SSH2: variants seen among roughly 807,000 people sequenced by gnomAD.
The protein encoded by SSH2 is protein phosphatase Slingshot homolog 2.
A neutral mutation model predicts 135.2 loss-of-function variants in SSH2; 37 were observed. The ratio of observed to expected loss-of-function variants is 0.27; its 90% confidence interval spans 0.21 to 0.36. SSH2 has a LOEUF of 0.36. Ranked by LOEUF, SSH2 falls within the 10% of genes least tolerant of loss-of-function variation. The pLI, the probability that SSH2 is intolerant of heterozygous loss-of-function variation, is 1.00. For synonymous variants in SSH2, 628 were observed against 646.2 expected, an observed-to-expected ratio of 0.97 and a Z score of 0.43; for missense variants, 1,408 against 1,765.3, an observed-to-expected ratio of 0.80 and a Z score of 3.63.
At chr17:29,716,723 A>C in intron 3 of SSH2, 1 of 560,988 alleles carries the variant, frequency 1.8e-6, no homozygotes, top group Non-Finnish European at 3.4e-6. Context: ...TTCCGGCTGA[A>C]AGTCTAAGTT....
intron 1 of SSH2, among the ~76,000 whole-genome samples, chr17:29,908,339 G>A (rs1201139553): frequency 6.6e-6 from 1 of 151,902 alleles, no homozygotes; most frequent in Non-Finnish European, 1.5e-5. Context: ...ACCTGTCTTA[G>A]TCCTGCTACT....
chr17:29,742,706 C>A (rs1227961853), intron 3 of SSH2, among the ~76,000 whole-genome samples: 5 of 151,954 alleles, frequency 3.3e-5, no homozygotes, highest in African/African-American at 1.2e-4. Context: ...ATGATCTCAG[C>A]TCACTGCAAC....
At chr17:29,846,898 T>G (rs1245662809) in intron 2 of SSH2, among the ~76,000 whole-genome samples, 5 of 152,208 alleles carry the variant, frequency 3.3e-5, no homozygotes, top group South Asian at 2.1e-4. Context: ...TAGAACCTAG[T>G]TTTGGTGACA....
rs780914921 is a variant in SSH2 at position 29,667,117 on chromosome 17, C to G, written c.903+13G>C. On this transcript the variant is annotated intron_variant, in intron 10 of 15. Coordinates refer to ENST00000540801, the MANE Select transcript of SSH2 (RefSeq NM_001282129.2). Reference sequence around the variant, plus strand: ...GCTAGCCTTGGAACAAACAAGGACTCAAGGTCTCTTACCTCTTTGGATGTA... The same window carrying G: ...GCTAGCCTTGGAACAAACAAGGACTGAAGGTCTCTTACCTCTTTGGATGTA... 6.2e-7 allele frequency: 1 copy of G among 1,608,490 alleles called. No homozygotes were observed. Among genetic ancestry groups the G allele is most frequent in the Non-Finnish European group, 8.5e-7 (1 of 1,175,468 alleles).
At chr17:29,708,816 A>G (rs1049695362) in intron 3 of SSH2, among the ~76,000 whole-genome samples, 4 of 151,202 alleles carry the variant, frequency 2.6e-5, no homozygotes, top group Non-Finnish European at 5.9e-5. Flanking sequence ...AGAAAATACT[A>G]TTTTCTTGAT....
chr17:29,755,175 T>C lies in SSH2; in HGVS notation c.188+38719A>G, dbSNP rs190242906. Reference sequence around the variant, plus strand: ...ATTTTTCAGAAGTTCAGCTTTTTGTTTTACTAAAATGCACGTACAGACTCT... The same window carrying C: ...ATTTTTCAGAAGTTCAGCTTTTTGTCTTACTAAAATGCACGTACAGACTCT... On this transcript the variant is annotated intron_variant, in intron 3 of 15. Coordinates refer to ENST00000540801, the MANE Select transcript of SSH2 (RefSeq NM_001282129.2). 5.9e-5 allele frequency among the ~76,000 whole-genome samples: 9 copies of C among 152,306 alleles called. No individual in the cohort carries two copies. The East Asian group carries it at 1.7e-3, about 29-fold the overall frequency.
intron 5 of SSH2, among the ~76,000 whole-genome samples, chr17:29,691,104 A>T (rs188288928): frequency 2.0e-4 from 30 of 152,290 alleles, no homozygotes; most frequent in Admixed American, 1.2e-3. Flanking sequence ...GAGAAAAAAA[A>T]ACCCCACATA....
At position 29,632,686 on chromosome 17, in the gene SSH2, G is replaced by T. The variant is rs778040457; in HGVS notation, c.2508C>A (p.Ser836=). Residue 836 remains serine, a synonymous_variant, in exon 16 of 16, where the codon TCC becomes TCA. Transcript: ENST00000540801. The part of the protein sequence containing the change: ...KPGHMEQDED[S]CTAQPELAKD... The stretch of plus-strand genomic sequence containing the variant: ...TGGCTAGTTCAGGCTGGGCTGTGCA[G>T]GAGTCCTCATCTTGCTCCATATGTC... The T allele has an allele frequency of 2.5e-5, 41 of 1,614,152 alleles. No homozygotes were observed. Among genetic ancestry groups the T allele is most frequent in the Non-Finnish European group, 3.4e-5 (40 of 1,180,040 alleles).
intron 2 of SSH2, among the ~76,000 whole-genome samples, chr17:29,829,837 ATTT>A (rs35027288): frequency 3.8e-5 from 5 of 130,418 alleles, no homozygotes; most frequent in African/African-American, 1.2e-4. Flanking sequence ...AAAGATCAAG[ATTT>A]TTTTTTTTTT....
intron 1 of SSH2, among the ~76,000 whole-genome samples, chr17:29,849,220 C>T (rs1235171817): frequency 6.6e-6 from 1 of 152,058 alleles, no homozygotes; most frequent in Non-Finnish European, 1.5e-5. Context: ...TGGCTCACGC[C>T]TGTAATCCCA....
chr17:29,908,970 G>C (rs1250293446), intron 1 of SSH2, among the ~76,000 whole-genome samples: 1 of 151,672 alleles, frequency 6.6e-6, no homozygotes, highest in Non-Finnish European at 1.5e-5. Flanking sequence ...CCAGCTACTT[G>C]GGAGGCTGAG....
intron 2 of SSH2, among the ~76,000 whole-genome samples, chr17:29,833,434 A>G (rs574926653): frequency 7.2e-5 from 11 of 152,184 alleles, no homozygotes; most frequent in Non-Finnish European, 1.5e-4. Context: ...TTGGCATGGA[A>G]TATCTTTTTC....
At chr17:29,886,446 G>A (rs763321271) in intron 1 of SSH2, among the ~76,000 whole-genome samples, 11 of 151,856 alleles carry the variant, frequency 7.2e-5, no homozygotes, top group Admixed American at 1.3e-4. Context: ...AAGAAGCAGC[G>A]CATAAAAGTT....
At chr17:29,770,798 T>C (rs2041567470) in intron 3 of SSH2, among the ~76,000 whole-genome samples, 1 of 152,174 alleles carries the variant, frequency 6.6e-6, no homozygotes, top group Admixed American at 6.5e-5. Context: ...TATGTTTAAA[T>C]TGTTCCCATT....
chr17:29,902,205 A>G (rs1399292814), intron 1 of SSH2, among the ~76,000 whole-genome samples: 1 of 152,336 alleles, frequency 6.6e-6, no homozygotes, highest in South Asian at 2.1e-4. Context: ...TTAGTTTCCA[A>G]AATTCACATT....
intron 1 of SSH2, among the ~76,000 whole-genome samples, chr17:29,903,435 T>C (rs994338417): frequency 6.6e-6 from 1 of 151,342 alleles, no homozygotes; most frequent in African/African-American, 2.4e-5. Context: ...GCTTGGAAAC[T>C]GTGTTTAAGC....
chr17:29,717,072 A>C (rs1402572269), intron 3 of SSH2, among the ~76,000 whole-genome samples: 1 of 152,018 alleles, frequency 6.6e-6, no homozygotes. Context: ...CAGTAACCCT[A>C]CCCTATCCAC....
At chr17:29,749,471 T>C (rs2040862431) in intron 3 of SSH2, among the ~76,000 whole-genome samples, 1 of 152,116 alleles carries the variant, frequency 6.6e-6, no homozygotes, top group African/African-American at 2.4e-5. Flanking sequence ...AACTGTAACA[T>C]AATGTTAAGT....
intron 1 of SSH2, chr17:29,928,158 C>T (rs1170643437): frequency 2.3e-5 from 4 of 174,438 alleles, no homozygotes; most frequent in East Asian, 1.5e-4. Flanking sequence ...AACTTTCAAT[C>T]GATTTCTTCA....
Sources: allele counts gnomAD v4.1 joint callset (sites outside exome capture counted in the v4.1 genomes callset), GRCh38; gene constraint gnomAD v4.1.1; transcripts MANE v1.5; gene names NCBI Gene and HGNC (gene_info 2026-07-23, HGNC 2026-07-21).